ROBO2: variants seen among roughly 807,000 people sequenced by gnomAD.
ROBO2 encodes the protein roundabout guidance receptor 2.
In ROBO2, 53 loss-of-function variants were observed where a neutral mutation model predicts 160.8. The observed-to-expected ratio is 0.33, with a 90% CI of 0.26 to 0.41. The LOEUF (loss-of-function observed/expected upper bound fraction) is 0.41. Among genes scored for constraint, ROBO2 ranks in the 10% least tolerant of loss-of-function variants. The pLI, the probability that ROBO2 is intolerant of heterozygous loss-of-function variation, is 1.00. For missense variants in ROBO2, 1,577 were observed against 1,722.4 expected, an observed-to-expected ratio of 0.92 and a Z score of 1.49; for synonymous variants, 664 against 611.7, an observed-to-expected ratio of 1.09 and a Z score of -1.26.
At chr3:76,799,594 A>G (rs553097484) in intron 2 of ROBO2, among the ~76,000 whole-genome samples, 1 of 152,242 alleles carries the variant, frequency 6.6e-6, no homozygotes, top group South Asian at 2.1e-4. Flanking sequence ...ATAATCTGAA[A>G]AAGAAATCAA....
At chr3:76,143,375 C>T (rs1305211102) in intron 2 of ROBO2, among the ~76,000 whole-genome samples, 1 of 152,046 alleles carries the variant, frequency 6.6e-6, no homozygotes, top group Non-Finnish European at 1.5e-5. Context: ...TCTGTCACCA[C>T]TTTGTCCAGT....
intron 2 of ROBO2, among the ~76,000 whole-genome samples, chr3:76,166,053 A>G (rs2072825177): frequency 6.6e-6 from 1 of 152,152 alleles, no homozygotes; most frequent in African/African-American, 2.4e-5. Flanking sequence ...TATTTGAAAT[A>G]CTGTAAGAAT....
intron 2 of ROBO2, among the ~76,000 whole-genome samples, chr3:75,968,926 G>GT (rs367863330): frequency 2.9e-5 from 3 of 103,826 alleles, no homozygotes; most frequent in African/African-American, 7.0e-5. Flanking sequence ...TACTTGGCTT[G>GT]TTTTAGATAG....
intron 2 of ROBO2, among the ~76,000 whole-genome samples, chr3:76,125,875 C>G (rs12637987): frequency 0.068 from 10,291 of 152,092 alleles, 705 homozygotes; most frequent in East Asian, 0.15. Context: ...TGCCCAGGCT[C>G]GAGTGCAATG....
At chr3:77,029,894 G>C (rs1343416008) in intron 2 of ROBO2, among the ~76,000 whole-genome samples, 2 of 151,482 alleles carry the variant, frequency 1.3e-5, no homozygotes, top group Non-Finnish European at 2.9e-5. Context: ...ATTTAAATAG[G>C]CCTCCTATCC....
At chr3:77,315,789 A>G (rs918376146) in intron 2 of ROBO2, among the ~76,000 whole-genome samples, 3 of 152,206 alleles carry the variant, frequency 2.0e-5, no homozygotes, top group Non-Finnish European at 4.4e-5. Flanking sequence ...TTAAAAAAGA[A>G]AGAAAAGAAT....
intron 4 of ROBO2, among the ~76,000 whole-genome samples, chr3:77,488,000 A>G (rs1459638481): frequency 3.3e-5 from 5 of 152,296 alleles, no homozygotes; most frequent in African/African-American, 1.2e-4. Context: ...AAGAGATACT[A>G]TGCAACCACA....
chr3:76,910,726 A>G (rs1392752794), intron 2 of ROBO2, among the ~76,000 whole-genome samples: 2 of 87,716 alleles, frequency 2.3e-5, no homozygotes, highest in African/African-American at 9.7e-5. Flanking sequence ...ACTCTGTCTC[A>G]AAAAAAAAAA....
chr3:76,750,936 A>T (rs561292902), intron 2 of ROBO2, among the ~76,000 whole-genome samples: 23 of 152,240 alleles, frequency 1.5e-4, no homozygotes, highest in Non-Finnish European at 2.9e-4. Context: ...ACAGAATTGG[A>T]AAAAACTACT....
intron 2 of ROBO2, among the ~76,000 whole-genome samples, chr3:76,017,857 T>G (rs2066450098): frequency 6.6e-6 from 1 of 152,078 alleles, no homozygotes; most frequent in Non-Finnish European, 1.5e-5. Context: ...CATAAAGCCC[T>G]GAATACTTCT....
chr3:76,366,067 C>T (rs1371017110), intron 2 of ROBO2, among the ~76,000 whole-genome samples: 1 of 152,002 alleles, frequency 6.6e-6, no homozygotes. Context: ...CATTTCTCAG[C>T]CCTTTGCATA....
intron 2 of ROBO2, among the ~76,000 whole-genome samples, chr3:76,575,377 A>G (rs1301562385): frequency 6.6e-6 from 1 of 152,094 alleles, no homozygotes; most frequent in African/African-American, 2.4e-5. Context: ...ATAATGTTTT[A>G]TCAGAGCCCA....
intron 2 of ROBO2, among the ~76,000 whole-genome samples, chr3:76,299,493 A>T (rs992603896): frequency 6.6e-6 from 1 of 152,176 alleles, no homozygotes; most frequent in African/African-American, 2.4e-5. Flanking sequence ...GATACATTGG[A>T]TGTGGGAGGA....
chr3:76,921,000 A>G (rs1429354395), intron 2 of ROBO2, among the ~76,000 whole-genome samples: 1 of 152,212 alleles, frequency 6.6e-6, no homozygotes, highest in Non-Finnish European at 1.5e-5. Flanking sequence ...CAGAGGGCGA[A>G]CAGTATTCTC....
intron 5 of ROBO2, among the ~76,000 whole-genome samples, chr3:77,520,790 T>C (rs1411037541): frequency 6.6e-6 from 1 of 151,414 alleles, no homozygotes; most frequent in Non-Finnish European, 1.5e-5. Flanking sequence ...ATAGGCTAAC[T>C]GTAGAAAAGA....
intron 5 of ROBO2, among the ~76,000 whole-genome samples, chr3:77,511,934 A>C (rs917574895): frequency 2.0e-5 from 3 of 151,950 alleles, no homozygotes; most frequent in African/African-American, 7.2e-5. Context: ...TCCGTCTCTC[A>C]TACTTCTCTA....
intron 2 of ROBO2, among the ~76,000 whole-genome samples, chr3:76,907,382 G>A (rs765124869): frequency 2.6e-5 from 4 of 152,130 alleles, no homozygotes; most frequent in Non-Finnish European, 4.4e-5. Flanking sequence ...ACAGTAGAAC[G>A]AGACTGGATT....
intron 2 of ROBO2, among the ~76,000 whole-genome samples, chr3:76,338,935 T>G (rs1053607232): frequency 1.3e-5 from 2 of 151,992 alleles, no homozygotes; most frequent in African/African-American, 2.4e-5. Context: ...CTTTTGAATG[T>G]CTTAAGGATG....
intron 2 of ROBO2, among the ~76,000 whole-genome samples, chr3:76,188,885 G>A (rs543409228): frequency 7.0e-4 from 106 of 152,112 alleles, no homozygotes; most frequent in African/African-American, 2.5e-3. Flanking sequence ...ATACAGTGTT[G>A]GAGAAGTCAA....
Sources: gnomAD v4.1 joint callset for allele counts (sites outside exome capture counted in the v4.1 genomes callset) on GRCh38, gnomAD v4.1.1 for gene constraint, MANE v1.5 for transcripts, NCBI Gene and HGNC (gene_info 2026-07-23, HGNC 2026-07-21) for gene names.